Variants in JARID2 observed in about 807,000 individuals in gnomAD.
JARID2 encodes jumonji and AT-rich interaction domain containing 2, also known as protein Jumonji.
In JARID2, 21 loss-of-function variants were observed where a neutral mutation model predicts 125.6. The ratio of observed to expected loss-of-function variants is 0.17; its 90% confidence interval spans 0.12 to 0.24. The LOEUF (loss-of-function observed/expected upper bound fraction) is 0.24. Among genes scored for constraint, JARID2 ranks in the 10% least tolerant of loss-of-function variants. The probability of loss-of-function intolerance (pLI) is 1.00; values close to 1 mark genes in which losing one functional copy is unlikely to be tolerated. For synonymous variants in JARID2, 736 were observed against 661.6 expected (o/e 1.11, Z -1.73); for missense variants, 1,303 against 1,639.6 (o/e 0.79, Z 3.55).
At chr6:15,479,266 G>GGGCCAAGAA (rs1769498464) in intron 5 of JARID2, among the ~76,000 whole-genome samples, 2 of 152,326 alleles carry the variant, frequency 1.3e-5, no homozygotes, top group African/African-American at 4.8e-5. Context: ...GGGGCCAAGA[G>GGGCCAAGAA]GGCCAAGAAG....
At chr6:15,338,864 A>C (rs1317393264) in intron 1 of JARID2, among the ~76,000 whole-genome samples, 1 of 152,182 alleles carries the variant, frequency 6.6e-6, no homozygotes. Flanking sequence ...GATCTTGGCA[A>C]GTTTTCAGAT....
At chr6:15,473,523 C>G (rs1235357643) in intron 5 of JARID2, among the ~76,000 whole-genome samples, 2 of 44,744 alleles carry the variant, frequency 4.5e-5, no homozygotes, top group Admixed American at 1.3e-4. Context: ...TGCCCCCCCC[C>G]CCCCCCCGCT....
rs1400441385 is a variant in JARID2 at position 15,371,728 on chromosome 6, ACGCAGTAG to A, written c.46-2387_46-2380del. 4.6e-5 allele frequency among the ~76,000 whole-genome samples: 7 copies of A among 152,350 alleles called. No homozygotes were observed. The East Asian group carries it at 1.3e-3, about 29-fold the overall frequency. Reference sequence around the variant, plus strand: ...ATTGGGAAGGTCTCCAGTGACCTACACGCAGTAGCAGGTTAGAAATTGTGTTTCTCTTG... The same window carrying A: ...ATTGGGAAGGTCTCCAGTGACCTACACAGGTTAGAAATTGTGTTTCTCTTG... On this transcript the variant is annotated intron_variant, in intron 1 of 17. Coordinates refer to ENST00000341776, the MANE Select transcript of JARID2 (RefSeq NM_004973.4).
chr6:15,366,963 T>TAA (rs57893770), intron 1 of JARID2, among the ~76,000 whole-genome samples: 1 of 151,254 alleles, frequency 6.6e-6, no homozygotes, highest in African/African-American at 2.4e-5. Context: ...GAGATATGGT[T>TAA]AAAAAAAAAG....
At chr6:15,495,277 G>A (rs1770359671) in intron 6 of JARID2, among the ~76,000 whole-genome samples, 1 of 152,226 alleles carries the variant, frequency 6.6e-6, no homozygotes, top group Admixed American at 6.5e-5. Context: ...CGTCCAAGCT[G>A]TAAGACTGTC....
chr6:15,299,276 A>G (rs1387247982), intron 1 of JARID2, among the ~76,000 whole-genome samples: 1 of 152,152 alleles, frequency 6.6e-6, no homozygotes, highest in African/African-American at 2.4e-5. Flanking sequence ...CCTAATTTGT[A>G]AGGATGAGGG....
chr6:15,505,849 G>T (rs956287334), intron 9 of JARID2, among the ~76,000 whole-genome samples: 16 of 152,262 alleles, frequency 1.1e-4, no homozygotes, highest in Non-Finnish European at 2.4e-4. Flanking sequence ...TGCTTCCAGA[G>T]CACGCGTTGC....
intron 6 of JARID2, among the ~76,000 whole-genome samples, chr6:15,492,927 G>A (rs1252557054): frequency 6.6e-5 from 10 of 152,130 alleles, no homozygotes. Flanking sequence ...GGAAAATATT[G>A]CAACTCATTT....
intron 5 of JARID2, among the ~76,000 whole-genome samples, chr6:15,479,150 C>T (rs1483614162): frequency 6.6e-6 from 1 of 152,176 alleles, no homozygotes; most frequent in East Asian, 1.9e-4. Flanking sequence ...ATTTGTCCAG[C>T]TGTTCCTCCC....
intron 2 of JARID2, among the ~76,000 whole-genome samples, chr6:15,404,601 CTT>C (rs1765576965): frequency 1.3e-5 from 2 of 150,962 alleles, no homozygotes; most frequent in Admixed American, 1.3e-4. Context: ...TGAAAGCTGT[CTT>C]TGGATGCTTG....
At chr6:15,415,416 CA>C (rs1766105557) in intron 3 of JARID2, among the ~76,000 whole-genome samples, 1 of 151,828 alleles carries the variant, frequency 6.6e-6, no homozygotes, top group Non-Finnish European at 1.5e-5. Flanking sequence ...CCTCACCTCC[CA>C]GACGGGGCGG....
chr6:15,496,098 G>T, intron 6 of JARID2, 34 bp from the exon 7 acceptor site: 1 of 1,562,256 alleles, frequency 6.4e-7, no homozygotes, highest in Non-Finnish European at 8.7e-7. Context: ...CTAATTCTGC[G>T]TTTTTTTCCA....
intron 2 of JARID2, among the ~76,000 whole-genome samples, chr6:15,401,499 AC>A (rs539649761): frequency 2.0e-5 from 3 of 152,208 alleles, no homozygotes; most frequent in African/African-American, 7.2e-5. Context: ...GTTCATCCTC[AC>A]CATAGCTCTG....
At chr6:15,359,338 G>T (rs1008519214) in intron 1 of JARID2, among the ~76,000 whole-genome samples, 1 of 152,196 alleles carries the variant, frequency 6.6e-6, no homozygotes, top group Non-Finnish European at 1.5e-5. Flanking sequence ...CTGACGGTAT[G>T]TCCTGCCCCT....
At chr6:15,476,627 A>G (rs1466334612) in intron 5 of JARID2, among the ~76,000 whole-genome samples, 2 of 152,240 alleles carry the variant, frequency 1.3e-5, no homozygotes, top group African/African-American at 4.8e-5. Context: ...GCATCACATG[A>G]GCTTTTAACC....
At chr6:15,494,041 T>C (rs989094056) in intron 6 of JARID2, among the ~76,000 whole-genome samples, 7 of 152,188 alleles carry the variant, frequency 4.6e-5, no homozygotes, top group African/African-American at 1.7e-4. Flanking sequence ...CGCTTCTGCC[T>C]CTTCATGGGG....
intron 1 of JARID2, among the ~76,000 whole-genome samples, chr6:15,295,275 A>T (rs559576421): frequency 3.3e-5 from 5 of 151,302 alleles, no homozygotes; most frequent in African/African-American, 1.2e-4. Context: ...GCGCCCGCCA[A>T]CACGCCCGGC....
At chr6:15,351,650 C>T (rs1405330039) in intron 1 of JARID2, among the ~76,000 whole-genome samples, 1 of 152,180 alleles carries the variant, frequency 6.6e-6, no homozygotes, top group East Asian at 1.9e-4. Flanking sequence ...TCCTATTCAC[C>T]ACTGGATTTA....
chr6:15,283,826 T>G (rs568449666), intron 1 of JARID2, among the ~76,000 whole-genome samples: 1 of 150,110 alleles, frequency 6.7e-6, no homozygotes, highest in East Asian at 2.0e-4. Flanking sequence ...CTGCCTCAGC[T>G]TCCTGAGTAG....
Sources: allele counts gnomAD v4.1 joint callset (sites outside exome capture counted in the v4.1 genomes callset), GRCh38; gene constraint gnomAD v4.1.1; transcripts MANE v1.5; gene names NCBI Gene and HGNC (gene_info 2026-07-23, HGNC 2026-07-21).